The following SLC16A2 variants were observed in gnomAD, a reference collection of about 807,000 sequenced individuals.
SLC16A2 encodes monocarboxylate transporter 8.
Under a neutral mutation model 27.2 loss-of-function variants are expected in SLC16A2, and 3 were observed. That is an observed-to-expected ratio of 0.11 (90% CI 0.05 to 0.28). SLC16A2 has a LOEUF of 0.28. SLC16A2 is among the 10% of genes least tolerant of loss of function. SLC16A2 has a pLI of 1.00. For missense variants in SLC16A2, 295 were observed against 458.5 expected (o/e 0.64, Z 3.26); for synonymous variants, 202 against 187.8 (o/e 1.08, Z -0.62).
chrX:74,517,924 G>A (rs1387654273), intron 1 of SLC16A2, among the ~76,000 whole-genome samples: 3 of 111,951 alleles, frequency 2.7e-5, no homozygotes, highest in Non-Finnish European at 3.8e-5. Flanking sequence ...TTAGCATAAC[G>A]CCTTTGAGAT....
intron 1 of SLC16A2, among the ~76,000 whole-genome samples, chrX:74,468,997 T>G (rs1285064431): frequency 1.8e-5 from 2 of 111,569 alleles, no homozygotes; most frequent in Non-Finnish European, 3.8e-5. Flanking sequence ...CTTCCCAGCC[T>G]CTGGTAACCA....
chrX:74,442,228 C>CAAAAAAA (rs1278847714), intron 1 of SLC16A2, among the ~76,000 whole-genome samples: 2 of 38,377 alleles, frequency 5.2e-5, no homozygotes, highest in Non-Finnish European at 5.0e-5. Flanking sequence ...AACTCCGTCT[C>CAAAAAAA]AAAAAAAAAA....
At chrX:74,434,933 C>T (rs1480618657) in intron 1 of SLC16A2, among the ~76,000 whole-genome samples, 4 of 107,526 alleles carry the variant, frequency 3.7e-5, no homozygotes, top group Non-Finnish European at 7.7e-5. Context: ...AAGCGATTCT[C>T]CTGCCCCAGC....
intron 1 of SLC16A2, among the ~76,000 whole-genome samples, chrX:74,483,668 G>A (rs928239564): frequency 6.3e-5 from 7 of 111,722 alleles, no homozygotes; most frequent in African/African-American, 2.0e-4. Flanking sequence ...AGACATTAGA[G>A]GTAGGGAGAG....
chrX:74,428,985 A>T (rs1928476982), intron 1 of SLC16A2, among the ~76,000 whole-genome samples: 1 of 110,818 alleles, frequency 9.0e-6, no homozygotes, highest in Non-Finnish European at 1.9e-5. Flanking sequence ...TGAGCCCCTG[A>T]CATCTATTTT....
intron 1 of SLC16A2, among the ~76,000 whole-genome samples, chrX:74,427,601 C>T (rs1238562960): frequency 9.0e-6 from 1 of 111,728 alleles, no homozygotes; most frequent in Admixed American, 9.5e-5. Flanking sequence ...GGAAGATGCA[C>T]TGCTTTTCCC....
chrX:74,434,121 T>C (rs900657789), intron 1 of SLC16A2, among the ~76,000 whole-genome samples: 7 of 111,822 alleles, frequency 6.3e-5, no homozygotes, highest in Admixed American at 9.5e-5. Flanking sequence ...TATGTTAGAC[T>C]GGACCTTGGA....
chrX:74,478,353 C>G (rs1354829596), intron 1 of SLC16A2, among the ~76,000 whole-genome samples: 1 of 111,356 alleles, frequency 9.0e-6, no homozygotes, highest in East Asian at 2.8e-4. Context: ...AGATCTTCCT[C>G]CATCCCTTTA....
intron 1 of SLC16A2, among the ~76,000 whole-genome samples, chrX:74,500,278 T>C (rs1376514187): frequency 1.8e-5 from 2 of 110,923 alleles, no homozygotes; most frequent in African/African-American, 6.6e-5. Flanking sequence ...GTAATTGAGG[T>C]CCAGGGAACA....
chrX:74,491,698 G>A (rs957622467), intron 1 of SLC16A2, among the ~76,000 whole-genome samples: 4 of 112,379 alleles, frequency 3.6e-5, no homozygotes, highest in Non-Finnish European at 7.5e-5. Context: ...TTACAGATGG[G>A]AGCAGGTTAT....
At chrX:74,444,492 C>T (rs756690584) in intron 1 of SLC16A2, among the ~76,000 whole-genome samples, 43 of 111,824 alleles carry the variant, frequency 3.8e-4, no homozygotes, top group Admixed American at 2.6e-3. Context: ...ACAAGGAATC[C>T]GAAAGCTTGG....
intron 1 of SLC16A2, among the ~76,000 whole-genome samples, chrX:74,506,926 T>C (rs780719877): frequency 3.3e-5 from 1 of 30,133 alleles, no homozygotes; most frequent in South Asian, 1.5e-3. Flanking sequence ...TATTTATTTA[T>C]TTATTTATTT....
chrX:74,517,388 T>C (rs1460859741), intron 1 of SLC16A2, among the ~76,000 whole-genome samples: 1 of 112,345 alleles, frequency 8.9e-6, no homozygotes, highest in Non-Finnish European at 1.9e-5. Context: ...GTTTTCATTA[T>C]ATCATAGACA....
intron 1 of SLC16A2, among the ~76,000 whole-genome samples, chrX:74,465,454 C>T (rs1039214949): frequency 9.0e-6 from 1 of 110,999 alleles, no homozygotes; most frequent in African/African-American, 3.3e-5. Context: ...CCTGATGAGC[C>T]GATCAGGTTC....
At chrX:74,487,117 A>G (rs1929735848) in intron 1 of SLC16A2, among the ~76,000 whole-genome samples, 1 of 110,817 alleles carries the variant, frequency 9.0e-6, no homozygotes, top group Non-Finnish European at 1.9e-5. Context: ...CCCTTAGATC[A>G]TTTTACCTTT....
intron 5 of SLC16A2, 54 bp downstream of exon 5, chrX:74,529,495 G>A: frequency 5.5e-6 from 5 of 912,062 alleles, no homozygotes; most frequent in Non-Finnish European, 7.7e-6. Flanking sequence ...TTTTCCCTGG[G>A]TACTGGCACT....
intron 1 of SLC16A2, among the ~76,000 whole-genome samples, chrX:74,487,445 A>G (rs1270540599): frequency 9.0e-6 from 1 of 111,582 alleles, no homozygotes; most frequent in African/African-American, 3.3e-5. Context: ...ACAGACTTAC[A>G]GTGGCATTTA....
At chrX:74,473,910 T>G (rs1438534667) in intron 1 of SLC16A2, 9 of 440,732 alleles carry the variant, frequency 2.0e-5, no homozygotes, top group Non-Finnish European at 3.3e-5. Context: ...AATGAAGAGC[T>G]TCCTCAGCTG....
chrX:74,521,197 G>A, intron 2 of SLC16A2, 63 bp downstream of exon 2: 1 of 1,168,512 alleles, frequency 8.6e-7, no homozygotes, highest in Admixed American at 2.2e-5. Flanking sequence ...CTGGGCTTTA[G>A]CTAGGGTTAC....
Sources: gnomAD v4.1 joint callset for allele counts (sites outside exome capture counted in the v4.1 genomes callset) on GRCh38, gnomAD v4.1.1 for gene constraint, MANE v1.5 for transcripts, NCBI Gene and HGNC (gene_info 2026-07-23, HGNC 2026-07-21) for gene names.